The following UCK2 variants were observed in gnomAD, a reference collection of about 807,000 sequenced individuals.
UCK2 encodes cytidine monophosphokinase 2.
Under a neutral mutation model 30.8 loss-of-function variants are expected in UCK2, and 6 were observed. The ratio of observed to expected loss-of-function variants is 0.19; its 90% CI spans 0.11 to 0.38. The LOEUF is 0.38. Ranked by LOEUF, UCK2 falls within the 10% of genes least tolerant of loss-of-function variation. The pLI is 1.00. For synonymous variants in UCK2, 125 were observed against 133.6 expected, an observed-to-expected ratio of 0.94 and a Z score of 0.45; for missense variants, 210 against 339.8, an observed-to-expected ratio of 0.62 and a Z score of 3.00.
At chr1:165,866,032 G>A (rs935421737) in intron 1 of UCK2, among the ~76,000 whole-genome samples, 1 of 152,180 alleles carries the variant, frequency 6.6e-6, no homozygotes, top group Non-Finnish European at 1.5e-5. Context: ...GTAGTACGGG[G>A]AATAGGGAGA....
At chr1:165,906,021 T>G in intron 6 of UCK2, 52 bp downstream of exon 6, 1 of 1,572,826 alleles carries the variant, frequency 6.4e-7, no homozygotes, top group Non-Finnish European at 8.7e-7. Context: ...CCTTTGTCAG[T>G]CATAATTTGG....
rs1040785524 is a variant in UCK2, at chr1:165,861,576, C to T, written c.100-28628C>T. On this transcript the variant is annotated intron_variant, in intron 1 of 6. Coordinates refer to ENST00000367879, the MANE Select transcript of UCK2 (RefSeq NM_012474.5). The stretch of plus-strand genomic sequence containing the variant: ...CCAGGAGGCGGAGCTTGCAGTGAGC[C>T]GAGATCCCGCCACCGCACTCCAGCC... 4.7e-4 allele frequency among the ~76,000 whole-genome samples: 54 copies of T among 115,098 alleles called. No individual in the cohort carries two copies. The South Asian group carries it at 5.8e-3, about 12-fold the overall frequency. The allele number at this position is 115,098 out of a possible 152,430, so 75.5% of individuals were successfully genotyped here.
intron 1 of UCK2, among the ~76,000 whole-genome samples, chr1:165,843,732 C>T (rs1345417976): frequency 6.6e-6 from 1 of 152,086 alleles, no homozygotes; most frequent in Non-Finnish European, 1.5e-5. Flanking sequence ...ATGGAGAGAC[C>T]CTGTCTCTAA....
intron 1 of UCK2, among the ~76,000 whole-genome samples, chr1:165,859,454 G>A (rs1039013657): frequency 6.6e-6 from 1 of 152,140 alleles, no homozygotes. Flanking sequence ...TCTCAGTGAA[G>A]TGACATTCTG....
At chr1:165,827,974 TC>T (rs1653933239) in intron 1 of UCK2, 42 bp downstream of exon 1, 19 of 1,253,676 alleles carry the variant, frequency 1.5e-5, no homozygotes, top group Admixed American at 8.3e-5. Context: ...CCGGCTTCTG[TC>T]CCTGGGCGGC....
intron 1 of UCK2, among the ~76,000 whole-genome samples, chr1:165,848,296 G>A (rs1378091109): frequency 1.3e-5 from 2 of 152,094 alleles, no homozygotes; most frequent in Non-Finnish European, 2.9e-5. Context: ...AAGCAGTCTG[G>A]ACTCTTAGAA....
At chr1:165,838,194 C>T (rs1654241768) in intron 1 of UCK2, among the ~76,000 whole-genome samples, 1 of 152,216 alleles carries the variant, frequency 6.6e-6, no homozygotes, top group African/African-American at 2.4e-5. Flanking sequence ...TGCATCATTG[C>T]AGTTGTCTCC....
At chr1:165,898,293 C>T (rs1647337542) in intron 4 of UCK2, among the ~76,000 whole-genome samples, 2 of 152,200 alleles carry the variant, frequency 1.3e-5, no homozygotes, top group African/African-American at 4.8e-5. Flanking sequence ...TTTTTTGTAT[C>T]TCATTTTCCT....
chr1:165,847,013 T>G (rs1026221272), intron 1 of UCK2, among the ~76,000 whole-genome samples: 13 of 152,090 alleles, frequency 8.5e-5, no homozygotes, highest in South Asian at 2.1e-4. Context: ...TGGAGATAGC[T>G]CACACCCTCA....
chr1:165,880,161 G>A (rs1655447723), intron 1 of UCK2, among the ~76,000 whole-genome samples: 2 of 152,182 alleles, frequency 1.3e-5, no homozygotes. Context: ...GATCCAACTG[G>A]CACATTGTGC....
At chr1:165,835,124 C>T (rs946622992) in intron 1 of UCK2, among the ~76,000 whole-genome samples, 67 of 152,024 alleles carry the variant, frequency 4.4e-4, no homozygotes, top group Admixed American at 1.6e-3. Flanking sequence ...GATTGCTTTT[C>T]CCTGGGAGTG....
intron 1 of UCK2, among the ~76,000 whole-genome samples, chr1:165,882,065 C>T (rs368144503): frequency 7.2e-4 from 109 of 152,282 alleles, no homozygotes; most frequent in African/African-American, 2.6e-3. Flanking sequence ...GGGTTTCCCT[C>T]TCCTGGGTAC....
chr1:165,879,481 T>C (rs892503012), intron 1 of UCK2, among the ~76,000 whole-genome samples: 1 of 152,102 alleles, frequency 6.6e-6, no homozygotes, highest in Non-Finnish European at 1.5e-5. Context: ...CCATATCTAC[T>C]GATAGTTCTG....
At chr1:165,884,414 G>A (rs1206133931) in intron 1 of UCK2, among the ~76,000 whole-genome samples, 1 of 152,242 alleles carries the variant, frequency 6.6e-6, no homozygotes, top group Admixed American at 6.5e-5. Context: ...ATGTTGGGCA[G>A]CATGGTTATC....
In UCK2 at chr1:165,896,171, T is replaced by C; in HGVS notation, c.357-19T>C. 6.2e-7 allele frequency: 1 copy of C among 1,613,754 alleles called. No homozygotes were observed. Among genetic ancestry groups the C allele is most frequent in the Non-Finnish European group, 8.5e-7 (1 of 1,179,932 alleles). ...AGCCCCTGCCTGGCTTGGCCCATTA[T>C]CTGCTCTGTGCTTTGCAGGAAGGAG... On this transcript the variant is annotated intron_variant, in intron 3 of 6. Transcript: ENST00000367879.
At chr1:165,837,397 T>C (rs1654221836) in intron 1 of UCK2, among the ~76,000 whole-genome samples, 1 of 152,198 alleles carries the variant, frequency 6.6e-6, no homozygotes. Context: ...ATTTGTAAGC[T>C]TTCTTTGGTG....
At chr1:165,901,958 A>G (rs1450206583) in intron 4 of UCK2, among the ~76,000 whole-genome samples, 1 of 151,304 alleles carries the variant, frequency 6.6e-6, no homozygotes, top group East Asian at 1.9e-4. Context: ...AAAAAAAAAA[A>G]AAAAAAAGGC....
chr1:165,873,600 G>T (rs1001536933), intron 1 of UCK2, among the ~76,000 whole-genome samples: 1 of 151,824 alleles, frequency 6.6e-6, no homozygotes, highest in Non-Finnish European at 1.5e-5. Flanking sequence ...CCTTTCTCCC[G>T]TTGGGCTGTC....
chr1:165,888,642 C>CTTTTTTTTT (rs60874109), intron 1 of UCK2, among the ~76,000 whole-genome samples: 21 of 71,016 alleles, frequency 3.0e-4, no homozygotes, highest in African/African-American at 7.4e-4. Context: ...CTTTCTTCTT[C>CTTTTTTTTT]TTTTTTTTTT....
Sources: gnomAD v4.1 joint callset for allele counts (sites outside exome capture counted in the v4.1 genomes callset) on GRCh38, gnomAD v4.1.1 for gene constraint, MANE v1.5 for transcripts, NCBI Gene and HGNC (gene_info 2026-07-23, HGNC 2026-07-21) for gene names.